The following AHRR variants were observed in gnomAD, a reference collection of about 807,000 sequenced individuals.
AHRR encodes the protein aryl hydrocarbon receptor repressor.
A neutral mutation model predicts 44.0 loss-of-function variants in AHRR; 28 were observed. The ratio of observed to expected loss-of-function variants is 0.64; its 90% confidence interval spans 0.47 to 0.87. AHRR has a LOEUF of 0.87. Among genes scored for constraint, AHRR ranks in the 40% least tolerant of loss-of-function variants. The pLI is 0.00. For synonymous variants in AHRR, 434 were observed against 407.0 expected (o/e 1.07, Z -0.80); for missense variants, 990 against 953.9 (o/e 1.04, Z -0.50).
chr5:352,236 G>T (rs1239885075), intron 2 of AHRR, among the ~76,000 whole-genome samples: 2 of 152,218 alleles, frequency 1.3e-5, no homozygotes, highest in African/African-American at 4.8e-5. Context: ...AAATGGGTTA[G>T]CCGTAGGGGA....
At chr5:355,313 C>A (rs1743000438) in intron 3 of AHRR, among the ~76,000 whole-genome samples, 1 of 152,132 alleles carries the variant, frequency 6.6e-6, no homozygotes, top group Non-Finnish European at 1.5e-5. Flanking sequence ...GGCATGGGCA[C>A]CAGCATGGAA....
intron 4 of AHRR, among the ~76,000 whole-genome samples, chr5:389,383 G>A (rs560913581): frequency 7.2e-5 from 11 of 152,186 alleles, no homozygotes; most frequent in Non-Finnish European, 1.6e-4. Flanking sequence ...ACCGGTGCCC[G>A]AGCGACTCGG....
chr5:415,594 G>T (rs1735738485), intron 5 of AHRR, among the ~76,000 whole-genome samples: 1 of 131,094 alleles, frequency 7.6e-6, no homozygotes, highest in African/African-American at 3.3e-5. Context: ...AGGCCTAGGG[G>T]CCGAATCTGC....
chr5:339,932 A>G (rs2672749), intron 1 of AHRR, among the ~76,000 whole-genome samples: 107,645 of 152,080 alleles, frequency 0.71, 38,733 homozygotes, highest in African/African-American at 0.77. Flanking sequence ...ATATATTGGT[A>G]GATTCTATTT....
chr5:334,761 C>T (rs1228305423), intron 1 of AHRR, among the ~76,000 whole-genome samples: 1 of 151,974 alleles, frequency 6.6e-6, no homozygotes, highest in African/African-American at 2.4e-5. Flanking sequence ...TATTACCCTG[C>T]TTTTTCATGT....
At chr5:366,574 A>G (rs1319954856) in intron 3 of AHRR, among the ~76,000 whole-genome samples, 3 of 152,218 alleles carry the variant, frequency 2.0e-5, no homozygotes, top group East Asian at 3.8e-4. Flanking sequence ...AGAAATATCA[A>G]TTGGTGCTAA....
At chr5:355,382 C>T (rs537336228) in intron 3 of AHRR, among the ~76,000 whole-genome samples, 63 of 152,300 alleles carry the variant, frequency 4.1e-4, no homozygotes, top group African/African-American at 1.4e-3. Flanking sequence ...TGGCGCAGTG[C>T]GGCTCAGCAG....
chr5:361,291 T>C (rs1341478638), intron 3 of AHRR, among the ~76,000 whole-genome samples: 1 of 152,128 alleles, frequency 6.6e-6, no homozygotes, highest in African/African-American at 2.4e-5. Flanking sequence ...AAACAGCCAT[T>C]GGATAGGGAG....
chr5:413,165 C>T (rs1378005941), intron 4 of AHRR, among the ~76,000 whole-genome samples, 179 bp from the exon 5 acceptor site: 3 of 152,086 alleles, frequency 2.0e-5, no homozygotes, highest in Non-Finnish European at 4.4e-5. Flanking sequence ...CTCATGTTGC[C>T]TGTTAACTTG....
In AHRR at chr5:337,391, C is replaced by CACAT. The variant is rs1315276081; in HGVS notation, c.-10-6494_-10-6491dup. 2.6e-5 allele frequency among the ~76,000 whole-genome samples: 4 copies of CACAT among 152,162 alleles called. No homozygotes were observed. The East Asian group carries it at 5.8e-4, about 22-fold the overall frequency. On this transcript the variant is annotated intron_variant, in intron 1 of 10. Coordinates refer to ENST00000684583, the MANE Select transcript of AHRR (RefSeq NM_001377236.1). This position sits in a 1 kb window ranked among gnomAD's most constrained non-coding sequence, Gnocchi z 4.1. Reference sequence around the variant, plus strand: ...TTCTTTATGTGTATGTATATACACACACATACATACAGGGTCTTGTTCTGT... The same window carrying CACAT: ...TTCTTTATGTGTATGTATATACACACACATACATACATACAGGGTCTTGTTCTGT...
At chr5:352,863 C>T (rs1194293858) in intron 2 of AHRR, among the ~76,000 whole-genome samples, 1 of 149,972 alleles carries the variant, frequency 6.7e-6, no homozygotes, top group Non-Finnish European at 1.5e-5. Context: ...TTAAATGGGT[C>T]AGCTGTAGGG....
rs955069146 is a variant in AHRR at position 326,079 on chromosome 5, G to A, written c.-11+4260G>A. On this transcript the variant is annotated intron_variant, in intron 1 of 10. Coordinates refer to ENST00000684583, the MANE Select transcript of AHRR (RefSeq NM_001377236.1). The surrounding 1 kb of genome is among the most constrained non-coding windows in gnomAD (Gnocchi z 4.1). ...ATTACAGGCGTGAGCCACTGCGGCC[G>A]GCCTCTTTGTATTTTCTCGTTGAGG... 5.3e-5 allele frequency among the ~76,000 whole-genome samples: 8 copies of A among 152,170 alleles called. No homozygotes were observed. The highest frequency in any genetic ancestry group is 9.7e-5 in the African/African-American group (4 of 41,430).
intron 2 of AHRR, among the ~76,000 whole-genome samples, chr5:347,850 G>A (rs1742729674): frequency 6.6e-6 from 1 of 152,210 alleles, no homozygotes. Context: ...CTGCGGTGGG[G>A]GCCCCCTCCG....
intron 4 of AHRR, among the ~76,000 whole-genome samples, chr5:384,960 A>C (rs983702160): frequency 2.0e-5 from 3 of 152,008 alleles, no homozygotes; most frequent in African/African-American, 7.2e-5. Flanking sequence ...CCTGGCCAAC[A>C]TAGTGAAACC....
chr5:433,691 C>T (rs1035163180), intron 10 of AHRR, among the ~76,000 whole-genome samples, 162 bp from the exon 11 acceptor site: 3 of 137,162 alleles, frequency 2.2e-5, no homozygotes, highest in Non-Finnish European at 3.5e-5. Context: ...TCCTGGGCTG[C>T]TGGGGGGGTT....
At chr5:414,375 G>GT (rs1316997283) in intron 5 of AHRR, among the ~76,000 whole-genome samples, 1 of 152,146 alleles carries the variant, frequency 6.6e-6, no homozygotes, top group Non-Finnish European at 1.5e-5. Context: ...TCAGATGCTG[G>GT]TTGTAGAATT....
chr5:366,938 G>T (rs1375368795), intron 3 of AHRR, among the ~76,000 whole-genome samples: 3 of 152,240 alleles, frequency 2.0e-5, no homozygotes, highest in Non-Finnish European at 4.4e-5. Context: ...CAGGGACTAA[G>T]GCAGTGTGGC....
intron 3 of AHRR, among the ~76,000 whole-genome samples, chr5:364,064 C>CT (rs1211735813): frequency 4.6e-5 from 7 of 152,176 alleles, no homozygotes. Flanking sequence ...CAGTCTCTTC[C>CT]ATTTTCAATA....
At chr5:385,997 C>T (rs575190552) in intron 4 of AHRR, among the ~76,000 whole-genome samples, 3 of 152,304 alleles carry the variant, frequency 2.0e-5, no homozygotes, top group African/African-American at 7.2e-5. Flanking sequence ...TGCTATTAAA[C>T]TCATCCAATG....
Sources: gnomAD v4.1 joint callset for allele counts (sites outside exome capture counted in the v4.1 genomes callset) on GRCh38, gnomAD v4.1.1 for gene constraint, Gnocchi (gnomAD v3.1) non-coding constraint, MANE v1.5 for transcripts, NCBI Gene and HGNC (gene_info 2026-07-23, HGNC 2026-07-21) for gene names.